TXLNB: variants seen among roughly 807,000 people sequenced by gnomAD.
TXLNB encodes taxilin beta.
A neutral mutation model predicts 57.4 loss-of-function variants in TXLNB; 37 were observed. The ratio of observed to expected loss-of-function variants is 0.64; its 90% CI spans 0.50 to 0.85. The LOEUF is 0.85. TXLNB is among the 40% of genes least tolerant of loss of function. The probability of loss-of-function intolerance (pLI) is 0.00; values close to 1 mark genes in which losing one functional copy is unlikely to be tolerated. For missense variants in TXLNB, 848 were observed against 825.6 expected (o/e 1.03, Z -0.33); for synonymous variants, 302 against 309.6 (o/e 0.98, Z 0.26).
the TXLNB span, among the ~76,000 whole-genome samples, chr6:139,316,629 C>T: frequency 6.6e-6 from 1 of 152,152 alleles, no homozygotes; most frequent in Admixed American, 6.6e-5. Flanking sequence ...TGTGCTTTAA[C>T]AAGTATCATT....
chr6:139,179,230 G>C, the TXLNB span: 1 of 152,110 alleles, frequency 6.6e-6, no homozygotes, highest in Non-Finnish European at 1.5e-5. Flanking sequence ...TCTTGTCCTC[G>C]TAATACCATT....
chr6:139,212,578 C>T, the TXLNB span, among the ~76,000 whole-genome samples: 1 of 152,098 alleles, frequency 6.6e-6, no homozygotes, highest in Non-Finnish European at 1.5e-5. Flanking sequence ...AACTAACGAG[C>T]AAAATAACCA....
At chr6:139,293,275 A>G (rs1777336656), upstream of TXLNB, among the ~76,000 whole-genome samples, 1 of 152,062 alleles carries the variant, frequency 6.6e-6, no homozygotes, top group South Asian at 2.1e-4. Flanking sequence ...TATTTTTAGT[A>G]GAGACGGGGT....
chr6:139,246,256 C>CA lies in TXLNB; in HGVS notation c.1170+1560dup, dbSNP rs199809066. ...TTCCAATCTTAAAATGCTAGAATTT[C>CA]AAAAAAAAATTAAGCAAATGGATAG... On this transcript the variant is annotated intron_variant, in intron 8 of 9. Transcript: ENST00000358430. Among the ~76,000 whole-genome samples the CA allele has an allele frequency of 2.2e-3, 332 of 150,952 alleles. 5 individuals carry two copies. In the East Asian group the frequency reaches 0.026, roughly 12 times the overall value.
At chr6:139,207,841 C>T in the TXLNB span, among the ~76,000 whole-genome samples, 7 of 152,166 alleles carry the variant, frequency 4.6e-5, no homozygotes, top group South Asian at 6.2e-4. Flanking sequence ...TTTGGGAGGC[C>T]GAGGTGGGCA....
intron 7 of TXLNB, among the ~76,000 whole-genome samples, chr6:139,251,212 A>G (rs1402137114): frequency 6.6e-6 from 1 of 152,230 alleles, no homozygotes; most frequent in Admixed American, 6.5e-5. Context: ...AAAAGTTACC[A>G]TCCTAACCAT....
the TXLNB span, among the ~76,000 whole-genome samples, chr6:139,191,735 C>T: frequency 1.5e-4 from 23 of 152,096 alleles, 1 homozygote; most frequent in East Asian, 2.9e-3. Context: ...TTTGGTTATC[C>T]TGGGTGTGGG....
At chr6:139,170,229 C>A in the TXLNB span, 24 of 152,294 alleles carry the variant, frequency 1.6e-4, no homozygotes, top group African/African-American at 5.1e-4. Context: ...CTTTTTCTAT[C>A]CATGATGGAC....
At chr6:139,183,067 G>A in the TXLNB span, 22 of 152,330 alleles carry the variant, frequency 1.4e-4, no homozygotes, top group South Asian at 4.1e-4. Context: ...GAATTTAGAC[G>A]TGTCAGAATT....
At chr6:139,220,218 C>A in the TXLNB span, among the ~76,000 whole-genome samples, 1 of 152,230 alleles carries the variant, frequency 6.6e-6, no homozygotes, top group Non-Finnish European at 1.5e-5. Context: ...AGATCTCCCA[C>A]ACACTGAATC....
the TXLNB span, among the ~76,000 whole-genome samples, chr6:139,312,060 G>C: frequency 6.6e-6 from 1 of 152,138 alleles, no homozygotes; most frequent in African/African-American, 2.4e-5. Context: ...ACGAATGTTG[G>C]AGGTACACAA....
the TXLNB span, among the ~76,000 whole-genome samples, chr6:139,216,469 C>G: frequency 9.4e-6 from 1 of 106,024 alleles, no homozygotes; most frequent in African/African-American, 3.9e-5. Flanking sequence ...ACACTGGGGC[C>G]TGTTGTGGGG....
the TXLNB span, among the ~76,000 whole-genome samples, chr6:139,205,492 A>G: frequency 6.6e-6 from 1 of 152,326 alleles, no homozygotes; most frequent in Non-Finnish European, 1.5e-5. Context: ...AAACATTCAG[A>G]ACATCTGGAA....
the TXLNB span, among the ~76,000 whole-genome samples, chr6:139,317,305 A>C: frequency 3.3e-5 from 5 of 152,220 alleles, no homozygotes; most frequent in Admixed American, 2.0e-4. Context: ...ATTAAGTAAA[A>C]AATTACCAGA....
intron 2 of TXLNB, among the ~76,000 whole-genome samples, chr6:139,283,349 G>A (rs1392726043): frequency 7.0e-6 from 1 of 143,726 alleles, no homozygotes; most frequent in Non-Finnish European, 1.5e-5. Context: ...GACCGACGCA[G>A]GCGGATCACC....
the TXLNB span, among the ~76,000 whole-genome samples, chr6:139,200,806 T>G: frequency 6.6e-6 from 1 of 152,188 alleles, no homozygotes; most frequent in Non-Finnish European, 1.5e-5. Flanking sequence ...TTGTCAATAT[T>G]TTTCTTGTTA....
intron 4 of TXLNB, among the ~76,000 whole-genome samples, chr6:139,263,112 A>T (rs969149910): frequency 2.6e-5 from 4 of 152,226 alleles, no homozygotes; most frequent in African/African-American, 9.6e-5. Flanking sequence ...GTGGCCTGAA[A>T]AAAAGGCCAC....
At chr6:139,283,268 C>T (rs1777095477) in intron 2 of TXLNB, 2 of 109,478 alleles carry the variant, frequency 1.8e-5, no homozygotes, top group Admixed American at 8.9e-5. Context: ...TCAAGGTGTT[C>T]TGTAAAAAAA....
At position 139,288,684 on chromosome 6, in the gene TXLNB, A is replaced by G; in HGVS notation, c.216T>C (p.Ser72=). ...CCTCTTTCCCTGCTGTGCTGGCAGC[A>G]GACCCATAAGTGTTAATGATGTCTT... ...QLEDIINTYG[S]AASTAGKEGS... The change falls in exon 2 of 10, where the codon TCT becomes TCC. Residue 72 remains serine (S), a synonymous_variant. Transcript: ENST00000358430. 2 of 1,614,182 alleles carry G rather than the reference A, an allele frequency of 1.2e-6. No homozygotes were observed. Among genetic ancestry groups the G allele is most frequent in the Non-Finnish European group, 1.7e-6 (2 of 1,180,036 alleles).
Sources: allele counts gnomAD v4.1 joint callset (sites outside exome capture counted in the v4.1 genomes callset), GRCh38; gene constraint gnomAD v4.1.1; transcripts MANE v1.5; gene names NCBI Gene and HGNC (gene_info 2026-07-23, HGNC 2026-07-21).